TAFA1: variants seen among roughly 807,000 people sequenced by gnomAD.
TAFA1 encodes the protein chemokine-like protein TAFA-1.
A neutral mutation model predicts 18.5 loss-of-function variants in TAFA1; 4 were observed. That is an observed-to-expected ratio of 0.22 (90% confidence interval 0.11 to 0.49). TAFA1 has a LOEUF of 0.49. Among genes scored for constraint, TAFA1 ranks in the 20% least tolerant of loss-of-function variants. TAFA1 has a pLI of 0.98. For synonymous variants in TAFA1, 56 were observed against 55.2 expected (o/e 1.01, Z -0.06); for missense variants, 147 against 169.0 (o/e 0.87, Z 0.72).
Position 68,465,477 on chromosome 3 carries a change from G to T in TAFA1, c.259+48057G>T, listed in dbSNP as rs185105672. On this transcript the variant is annotated intron_variant, in intron 3 of 4. Coordinates refer to ENST00000478136, the MANE Select transcript of TAFA1 (RefSeq NM_213609.4). The stretch of plus-strand genomic sequence containing the variant: ...AATTAATATATCTGTGTGTAAATTT[G>T]CTAGGTCCTGTCCAGTTCTTCATAA... Among the ~76,000 whole-genome samples, 126 of 152,282 alleles carry T rather than the reference G, an allele frequency of 8.3e-4. 2 individuals carry two copies. Among genetic ancestry groups the T allele is most frequent in the Admixed American group, 7.2e-3 (110 of 15,280 alleles).
At chr3:68,106,400 T>C (rs901374236) in intron 2 of TAFA1, among the ~76,000 whole-genome samples, 1 of 152,140 alleles carries the variant, frequency 6.6e-6, no homozygotes, top group Non-Finnish European at 1.5e-5. Context: ...GTTAGCATAA[T>C]TGAGGAACTA....
intron 2 of TAFA1, among the ~76,000 whole-genome samples, chr3:68,047,064 T>C (rs2064398327): frequency 1.3e-5 from 2 of 152,212 alleles, no homozygotes; most frequent in South Asian, 2.1e-4. Context: ...TGTTTTAATA[T>C]TGAAAGTAGT....
chr3:68,184,801 GC>G (rs2066250317), intron 2 of TAFA1, among the ~76,000 whole-genome samples: 1 of 152,100 alleles, frequency 6.6e-6, no homozygotes, highest in Admixed American at 6.6e-5. Context: ...TTTCATAGTG[GC>G]CTGTGGACCA....
chr3:68,113,903 T>G (rs1403985219), intron 2 of TAFA1, among the ~76,000 whole-genome samples: 3 of 143,282 alleles, frequency 2.1e-5, no homozygotes, highest in African/African-American at 5.2e-5. Flanking sequence ...TTTTGTTTTT[T>G]TTTTTTTTTT....
chr3:68,284,579 A>T (rs1204100026), intron 2 of TAFA1, among the ~76,000 whole-genome samples: 2 of 152,178 alleles, frequency 1.3e-5, no homozygotes, highest in African/African-American at 4.8e-5. Flanking sequence ...CATCAATAGG[A>T]GAATGGGTAG....
intron 2 of TAFA1, among the ~76,000 whole-genome samples, chr3:68,396,962 C>G (rs773851435): frequency 6.6e-6 from 1 of 152,096 alleles, no homozygotes; most frequent in Non-Finnish European, 1.5e-5. Flanking sequence ...TCAATGGCAT[C>G]TTCCTTCATT....
At chr3:68,459,457 A>T (rs1214940344) in intron 3 of TAFA1, among the ~76,000 whole-genome samples, 1 of 150,152 alleles carries the variant, frequency 6.7e-6, no homozygotes, top group Non-Finnish European at 1.5e-5. Context: ...GACTCATTTT[A>T]AAGAAATGCT....
At chr3:68,252,984 T>G (rs2067226686) in intron 2 of TAFA1, among the ~76,000 whole-genome samples, 1 of 152,158 alleles carries the variant, frequency 6.6e-6, no homozygotes, top group Non-Finnish European at 1.5e-5. Context: ...GCAAGATGTG[T>G]CTTTGTTCTT....
chr3:68,178,605 A>G (rs886114198), intron 2 of TAFA1, among the ~76,000 whole-genome samples: 11 of 152,360 alleles, frequency 7.2e-5, no homozygotes, highest in Middle Eastern at 3.4e-3. Context: ...CTCAGGAAAG[A>G]TACTCCAGGC....
At chr3:68,030,600 A>G (rs899584223) in intron 2 of TAFA1, among the ~76,000 whole-genome samples, 3 of 152,008 alleles carry the variant, frequency 2.0e-5, no homozygotes, top group Non-Finnish European at 4.4e-5. Context: ...GAACTCATCT[A>G]TTTTTATGGC....
chr3:68,076,585 A>C (rs1276495821), intron 2 of TAFA1, among the ~76,000 whole-genome samples: 2 of 152,174 alleles, frequency 1.3e-5, no homozygotes, highest in African/African-American at 4.8e-5. Flanking sequence ...GTGATAGTTT[A>C]CTGAGAATGA....
At chr3:68,370,472 G>GTATATATATATATATATA (rs749877780) in intron 2 of TAFA1, among the ~76,000 whole-genome samples, 1 of 33,044 alleles carries the variant, frequency 3.0e-5, no homozygotes, top group Admixed American at 4.7e-4. Flanking sequence ...GTGTGTGTGT[G>GTATATATATATATATATA]TATATATATA....
chr3:68,378,255 T>A (rs1014464264), intron 2 of TAFA1, among the ~76,000 whole-genome samples: 33 of 152,172 alleles, frequency 2.2e-4, no homozygotes, highest in South Asian at 8.3e-4. Context: ...GCCATGGCTG[T>A]GTGAGCTCAC....
chr3:68,013,845 C>T (rs1026950013), intron 2 of TAFA1, among the ~76,000 whole-genome samples: 1 of 152,104 alleles, frequency 6.6e-6, no homozygotes, highest in African/African-American at 2.4e-5. Flanking sequence ...ATGATATTAT[C>T]ACAGGGTTTC....
At chr3:68,448,495 C>G (rs1334038071) in intron 3 of TAFA1, among the ~76,000 whole-genome samples, 1 of 152,074 alleles carries the variant, frequency 6.6e-6, no homozygotes, top group East Asian at 1.9e-4. Context: ...TTTGTGATTT[C>G]TATTTGTGAC....
At chr3:68,102,829 G>A (rs947173593) in intron 2 of TAFA1, among the ~76,000 whole-genome samples, 1 of 152,104 alleles carries the variant, frequency 6.6e-6, no homozygotes, top group Non-Finnish European at 1.5e-5. Context: ...TGGGCTTAAG[G>A]GTCCAGCTCT....
chr3:68,067,809 G>A (rs1422106003), intron 2 of TAFA1, among the ~76,000 whole-genome samples: 1 of 150,792 alleles, frequency 6.6e-6, no homozygotes, highest in Non-Finnish European at 1.5e-5. Context: ...CCTATTCTTT[G>A]CTCAATCTAA....
At chr3:68,344,008 TA>T (rs1429939297) in intron 2 of TAFA1, among the ~76,000 whole-genome samples, 2 of 152,114 alleles carry the variant, frequency 1.3e-5, no homozygotes, top group Non-Finnish European at 2.9e-5. Flanking sequence ...CACGCCTGGT[TA>T]ATTTTGTATT....
At chr3:68,079,822 A>T (rs1028351206) in intron 2 of TAFA1, among the ~76,000 whole-genome samples, 2 of 152,148 alleles carry the variant, frequency 1.3e-5, no homozygotes, top group Non-Finnish European at 2.9e-5. Flanking sequence ...GTAGATGTCT[A>T]TTAGGTCGGC....
Sources: gnomAD v4.1 joint callset for allele counts (sites outside exome capture counted in the v4.1 genomes callset) on GRCh38, gnomAD v4.1.1 for gene constraint, MANE v1.5 for transcripts, NCBI Gene and HGNC (gene_info 2026-07-23, HGNC 2026-07-21) for gene names.